The following SASH3 variants were observed in gnomAD, a reference collection of about 807,000 sequenced individuals.
SASH3 encodes SAM and SH3 domain-containing protein 3.
In SASH3, 7 loss-of-function variants were observed where a neutral mutation model predicts 26.1. The ratio of observed to expected loss-of-function variants is 0.27; its 90% CI spans 0.15 to 0.50. The LOEUF is 0.50. Among genes scored for constraint, SASH3 ranks in the 20% least tolerant of loss-of-function variants. The pLI is 0.98. For synonymous variants in SASH3, 138 were observed against 136.8 expected, an observed-to-expected ratio of 1.01 and a Z score of -0.06; for missense variants, 231 against 318.3, an observed-to-expected ratio of 0.73 and a Z score of 2.09.
rs1048169323 is a variant in SASH3 at position 129,790,921 on chromosome X, C to A, written c.301-19C>A. On this transcript the variant is annotated intron_variant, in intron 3 of 7. Transcript: ENST00000356892. The stretch of plus-strand genomic sequence containing the variant: ...CCCCAGCAAGGCTCCTTAAAGCTTC[C>A]CGCCTACCCTCCCTGCAGGCAGACA... The A allele has an allele frequency of 1.7e-6, 2 of 1,205,470 alleles. No individual in the cohort carries two copies. Among genetic ancestry groups the A allele is most frequent in the African/African-American group, 3.5e-5 (2 of 57,072 alleles).
At chrX:129,793,264 A>AC in intron 7 of SASH3, 125 bp downstream of exon 7, 3 of 751,400 alleles carry the variant, frequency 4.0e-6, no homozygotes, top group Non-Finnish European at 5.8e-6. Context: ...GTGGAAAGGT[A>AC]CTTTCCACTT....
At position 129,794,191 on chromosome X, in the gene SASH3, A is replaced by C. The variant is rs1602933508; in HGVS notation, c.*359A>C. The C allele has an allele frequency of 4.1e-6, 1 of 241,199 alleles. No homozygotes were observed. The highest frequency in any genetic ancestry group is 1.4e-4 in the South Asian group (1 of 7,084). The allele number at this position is 241,199 out of a possible 1,213,427, so 19.9% of individuals were successfully genotyped here. A position where few individuals can be genotyped will look rare whatever the true frequency, so the allele number is the denominator to read the frequency against. On this transcript the variant is annotated 3_prime_UTR_variant, in exon 8 of 8. Coordinates refer to ENST00000356892, the MANE Select transcript of SASH3 (RefSeq NM_018990.4). ...CCAACAAGGCCTCCAAATCCTCCTC[A>C]CCCCCACACCACCTACCCCTGTCGC... is the stretch of plus-strand genomic sequence containing the variant.
intron 2 of SASH3, 149 bp downstream of exon 2, chrX:129,788,219 C>T: frequency 1.9e-6 from 1 of 528,178 alleles, no homozygotes; most frequent in Non-Finnish European, 3.1e-6. Context: ...ACCAAGCACT[C>T]CCCTGCATTC....
At chrX:129,786,240 C>A (rs1410961621) in intron 1 of SASH3, among the ~76,000 whole-genome samples, 1 of 111,466 alleles carries the variant, frequency 9.0e-6, no homozygotes, top group Non-Finnish European at 1.9e-5. Context: ...TCATCAACTA[C>A]CTTGCTGTGA....
intron 3 of SASH3, among the ~76,000 whole-genome samples, chrX:129,789,109 A>C (rs1737124): frequency 2.5e-5 from 1 of 39,453 alleles, no homozygotes; most frequent in Non-Finnish European, 4.0e-5. Context: ...CTCAAAAAAA[A>C]AAAGAAAGAA....
chrX:129,789,153 GAAAGAAAGAA>G lies in SASH3; in HGVS notation c.300+578_300+587del, dbSNP rs1569312664. Reference sequence around the variant, plus strand: ...AGAAAGAAAGAAAGAAAGAAAGAAAGAAAGAAAGAAAGAGAAAAAAAAAAAAAAGAAAAGT... The same window carrying G: ...AGAAAGAAAGAAAGAAAGAAAGAAAGAGAGAAAAAAAAAAAAAAGAAAAGT... On this transcript the variant is annotated intron_variant, in intron 3 of 7. Coordinates refer to ENST00000356892, the MANE Select transcript of SASH3 (RefSeq NM_018990.4). Among the ~76,000 whole-genome samples, 131 of 64,402 alleles carry G rather than the reference GAAAGAAAGAA, an allele frequency of 2.0e-3. No individual in the cohort carries two copies. In the East Asian group the frequency reaches 0.07, roughly 35 times the overall value. 55.9% of individuals were successfully genotyped at this position (64,402 alleles called of 115,157 possible).
intron 1 of SASH3, among the ~76,000 whole-genome samples, chrX:129,783,388 T>C (rs1481952292): frequency 8.9e-6 from 1 of 111,809 alleles, no homozygotes; most frequent in East Asian, 2.8e-4. Flanking sequence ...AAAAACCACC[T>C]GCATGCCATC....
intron 1 of SASH3, among the ~76,000 whole-genome samples, chrX:129,784,533 C>T (rs1285544323): frequency 1.8e-5 from 2 of 111,579 alleles, no homozygotes; most frequent in Non-Finnish European, 3.8e-5. Flanking sequence ...GGCGTACTCG[C>T]TCATTTCATC....
Position 129,790,976 on chromosome X carries a change from T to C in SASH3, c.337T>C (p.Ser113Pro). ...GGAGGAGGGCTCTGCCTCCCCGACA[T>C]CTCCAGACTACAGCCTGGACAGCCC... ...TLEEGSASPT[S>P]PDYSLDSPGP... is the part of the protein sequence containing the mutation. Residue 113 changes from serine (S) to proline (P), a missense_variant, in exon 4 of 8, where the codon TCT becomes CCT. By Grantham distance (74) the Ser-to-Pro change is moderately conservative. Coordinates refer to ENST00000356892, the MANE Select transcript of SASH3 (RefSeq NM_018990.4). The C allele has an allele frequency of 4.1e-6, 5 of 1,210,989 alleles. No individual in the cohort carries two copies. The highest frequency in any genetic ancestry group is 5.6e-6 in the Non-Finnish European group (5 of 895,129).
rs367864777 is a variant in SASH3, at chrX:129,793,117, C to T, written c.930C>T (p.Ala310=). Residue 310 remains alanine (A), a synonymous_variant, in exon 7 of 8, where the codon GCC becomes GCT. Transcript: ENST00000356892. Reference sequence around the variant, plus strand: ...ACCGGGCCAAGCTGCTCACGGCCGCCGAGCTGCTGCTGGACTATGACAGTG... The same window carrying T: ...ACCGGGCCAAGCTGCTCACGGCCGCTGAGCTGCTGCTGGACTATGACAGTG... ...PQHRAKLLTA[A]ELLLDYDTGS... is the part of the protein sequence containing the mutation. The T allele has an allele frequency of 9.3e-5, 112 of 1,209,921 alleles. No individual in the cohort carries two copies. The highest frequency in any genetic ancestry group is 1.7e-4 in the Admixed American group (8 of 45,726).
At chrX:129,789,161 G>GAAAA (rs755191057) in intron 3 of SASH3, among the ~76,000 whole-genome samples, 9 of 61,457 alleles carry the variant, frequency 1.5e-4, no homozygotes, top group African/African-American at 7.8e-4. Flanking sequence ...AAGAAAGAAA[G>GAAAA]AAAGAGAAAA....
chrX:129,783,835 G>C lies in SASH3; in HGVS notation c.57+3681G>C, dbSNP rs780592137. On this transcript the variant is annotated intron_variant, in intron 1 of 7. Transcript: ENST00000356892. The stretch of plus-strand genomic sequence containing the variant: ...CAAGTTTGCTCAGGAAGTAAGGGAA[G>C]AGGATGCTGGCTGGGGCAGTGTGGA... Among the ~76,000 whole-genome samples, 6 of 111,817 alleles carry C rather than the reference G, an allele frequency of 5.4e-5. No individual in the cohort carries two copies. The South Asian group carries it at 1.9e-3, about 35-fold the overall frequency.
At chrX:129,783,472 G>C (rs1361278692) in intron 1 of SASH3, among the ~76,000 whole-genome samples, 6 of 112,223 alleles carry the variant, frequency 5.3e-5, no homozygotes, top group Non-Finnish European at 1.1e-4. Flanking sequence ...GAGGTAGCAC[G>C]AGCACAGCAA....
At chrX:129,788,961 G>A (rs1927161287) in intron 3 of SASH3, among the ~76,000 whole-genome samples, 1 of 109,354 alleles carries the variant, frequency 9.1e-6, no homozygotes, top group Admixed American at 9.8e-5. Flanking sequence ...AAATTAGCCA[G>A]GCGTGGTGGC....
At chrX:129,780,543 C>G (rs1241345699) in intron 1 of SASH3, among the ~76,000 whole-genome samples, 2 of 112,812 alleles carry the variant, frequency 1.8e-5, no homozygotes, top group Admixed American at 9.3e-5. Flanking sequence ...GCCACTTCTG[C>G]CCCGGCCACG....
chrX:129,790,178 A>G (rs78189333), intron 3 of SASH3, among the ~76,000 whole-genome samples: 9 of 111,990 alleles, frequency 8.0e-5, no homozygotes, highest in Non-Finnish European at 1.3e-4. Context: ...ACTCTTATCA[A>G]TGCTGCTGAG....
chrX:129,780,701 C>T (rs1399531809), intron 1 of SASH3, among the ~76,000 whole-genome samples: 27 of 112,927 alleles, frequency 2.4e-4, no homozygotes, highest in Non-Finnish European at 7.5e-5. Flanking sequence ...CTCCCAGGCC[C>T]TACCCGAGAT....
At chrX:129,789,898 A>C (rs1927200800) in intron 3 of SASH3, among the ~76,000 whole-genome samples, 1 of 111,751 alleles carries the variant, frequency 8.9e-6, no homozygotes, top group South Asian at 3.7e-4. Context: ...AACCATTATT[A>C]AAAATCAAAT....
At chrX:129,784,103 C>A (rs1393938981) in intron 1 of SASH3, among the ~76,000 whole-genome samples, 1 of 110,579 alleles carries the variant, frequency 9.0e-6, no homozygotes, top group African/African-American at 3.3e-5. Flanking sequence ...CCCCCCCCTT[C>A]CCCCAGGGCA....
Sources: gnomAD v4.1 joint callset for allele counts (sites outside exome capture counted in the v4.1 genomes callset) on GRCh38, gnomAD v4.1.1 for gene constraint, MANE v1.5 for transcripts, NCBI Gene and HGNC (gene_info 2026-07-23, HGNC 2026-07-21) for gene names.